Variants in SNTG1 observed in about 807,000 individuals in gnomAD.
The protein encoded by SNTG1 is gamma-1-syntrophin.
In SNTG1, 39 loss-of-function variants were observed where a neutral mutation model predicts 74.7. That is an observed-to-expected ratio of 0.52 (90% CI 0.40 to 0.68). SNTG1 has a LOEUF of 0.68. SNTG1 is among the 30% of genes least tolerant of loss of function. SNTG1 has a pLI of 0.00. For missense variants in SNTG1, 685 were observed against 609.5 expected (o/e 1.12, Z -1.30); for synonymous variants, 254 against 217.1 (o/e 1.17, Z -1.49).
In SNTG1 at chr8:50,521,990, G is replaced by T. The variant is rs542470967; in HGVS notation, c.467-8187G>T. Among the ~76,000 whole-genome samples the T allele has an allele frequency of 1.5e-4, 23 of 152,144 alleles. No homozygotes were observed. In the South Asian group the frequency reaches 4.8e-3, roughly 32 times the overall value. On this transcript the variant is annotated intron_variant, in intron 9 of 18. Coordinates refer to ENST00000642720, the MANE Select transcript of SNTG1 (RefSeq NM_018967.5). ...AATATTGATATTTTTACCTACTCCT[G>T]TCAATATTAATCATGAGTATTCTTA... is the stretch of plus-strand genomic sequence containing the variant.
In SNTG1 at chr8:50,141,002, T is replaced by A. The variant is rs559127417; in HGVS notation, c.-102-31559T>A. Among the ~76,000 whole-genome samples the A allele has an allele frequency of 2.0e-5, 3 of 152,248 alleles. No homozygotes were observed. In the East Asian group the frequency reaches 5.8e-4, roughly 29 times the overall value. On this transcript the variant is annotated intron_variant, in intron 1 of 18. Coordinates refer to ENST00000642720, the MANE Select transcript of SNTG1 (RefSeq NM_018967.5). ...GCTTTAACATCCCCTGGAAACTTGA[T>A]AGAAATTCAAATTATTTGGCCCACA...
At chr8:50,175,775 A>G (rs996116129) in intron 2 of SNTG1, among the ~76,000 whole-genome samples, 1 of 152,230 alleles carries the variant, frequency 6.6e-6, no homozygotes, top group South Asian at 2.1e-4. Context: ...TTCTTCTGAC[A>G]ATCCTGAAAA....
intron 4 of SNTG1, among the ~76,000 whole-genome samples, chr8:50,409,912 C>G (rs2092925792): frequency 6.6e-6 from 1 of 152,140 alleles, no homozygotes; most frequent in African/African-American, 2.4e-5. Flanking sequence ...CCAAACATGA[C>G]AGAACTGTCA....
intron 9 of SNTG1, among the ~76,000 whole-genome samples, chr8:50,518,450 T>G (rs779655829): frequency 4.0e-5 from 6 of 151,750 alleles, no homozygotes; most frequent in Admixed American, 2.6e-4. Flanking sequence ...AAGAAATAAC[T>G]AAGATGAGAG....
At chr8:49,947,279 G>A (rs1020458476) in intron 1 of SNTG1, among the ~76,000 whole-genome samples, 1 of 152,098 alleles carries the variant, frequency 6.6e-6, no homozygotes, top group Non-Finnish European at 1.5e-5. Flanking sequence ...CAGTCTGGAT[G>A]ATAAGAGCAA....
chr8:50,415,413 C>T (rs577273756), intron 4 of SNTG1, among the ~76,000 whole-genome samples: 16 of 152,008 alleles, frequency 1.1e-4, no homozygotes, highest in South Asian at 4.1e-4. Context: ...TAGGTAATAA[C>T]GTAAATATAA....
chr8:50,637,072 A>G (rs922442914), intron 13 of SNTG1, among the ~76,000 whole-genome samples: 11 of 152,224 alleles, frequency 7.2e-5, no homozygotes, highest in African/African-American at 2.7e-4. Context: ...AAGTGCATGC[A>G]TCATTTCAGC....
chr8:50,673,635 G>A, intron 15 of SNTG1, among the ~76,000 whole-genome samples: 1 of 152,140 alleles, frequency 6.6e-6, no homozygotes, highest in East Asian at 1.9e-4. Flanking sequence ...GAGACAATTT[G>A]ACTGCCTCTC....
At chr8:50,497,331 T>G (rs1241608588) in intron 8 of SNTG1, among the ~76,000 whole-genome samples, 3 of 152,048 alleles carry the variant, frequency 2.0e-5, no homozygotes, top group African/African-American at 7.2e-5. Flanking sequence ...ATTTATATAC[T>G]TATTCAAAAT....
At chr8:49,998,587 G>GACACACAC (rs56162374) in intron 1 of SNTG1, among the ~76,000 whole-genome samples, 3,674 of 136,870 alleles carry the variant, frequency 0.027, 75 homozygotes, top group African/African-American at 0.047. Flanking sequence ...TAAAAATTAA[G>GACACACAC]ACACACACAC....
intron 15 of SNTG1, among the ~76,000 whole-genome samples, chr8:50,668,465 T>C (rs902132858): frequency 1.3e-5 from 2 of 150,964 alleles, no homozygotes; most frequent in African/African-American, 4.9e-5. Context: ...AGATCTTGTC[T>C]AGAGATACCT....
chr8:50,588,184 T>C (rs1045852481), intron 12 of SNTG1, among the ~76,000 whole-genome samples: 2 of 152,168 alleles, frequency 1.3e-5, no homozygotes, highest in African/African-American at 4.8e-5. Context: ...ATTGTTTTAT[T>C]TTAAAATGTT....
intron 2 of SNTG1, among the ~76,000 whole-genome samples, chr8:50,262,243 G>T (rs2130118475): frequency 6.6e-6 from 1 of 152,194 alleles, no homozygotes; most frequent in Admixed American, 6.5e-5. Flanking sequence ...TGACCATATT[G>T]AAAAGAAGAA....
At chr8:50,676,134 T>A (rs564489645) in intron 15 of SNTG1, among the ~76,000 whole-genome samples, 1 of 152,084 alleles carries the variant, frequency 6.6e-6, no homozygotes, top group Admixed American at 6.6e-5. Context: ...TCATAGAGTA[T>A]CTTAGTGTTG....
chr8:50,744,469 A>G (rs969506852), intron 17 of SNTG1, among the ~76,000 whole-genome samples: 2 of 152,008 alleles, frequency 1.3e-5, no homozygotes, highest in African/African-American at 4.8e-5. Context: ...ATTGAAAGAC[A>G]TATTATTATT....
intron 4 of SNTG1, among the ~76,000 whole-genome samples, chr8:50,425,474 C>G (rs2093151610): frequency 6.6e-6 from 1 of 152,066 alleles, no homozygotes; most frequent in Non-Finnish European, 1.5e-5. Flanking sequence ...GATGGGACCA[C>G]CTAGTTGCAG....
intron 4 of SNTG1, among the ~76,000 whole-genome samples, chr8:50,426,502 G>A (rs2093165174): frequency 6.6e-6 from 1 of 151,472 alleles, no homozygotes; most frequent in African/African-American, 2.4e-5. Context: ...AGAATATAAA[G>A]AAAATATTTT....
intron 1 of SNTG1, among the ~76,000 whole-genome samples, chr8:49,963,291 G>T (rs1810857889): frequency 6.6e-6 from 1 of 152,156 alleles, no homozygotes; most frequent in African/African-American, 2.4e-5. Context: ...ACTCTGCCAG[G>T]ATTCAAATAA....
chr8:50,289,244 A>C (rs1057421697), intron 2 of SNTG1, among the ~76,000 whole-genome samples: 1 of 152,164 alleles, frequency 6.6e-6, no homozygotes, highest in Non-Finnish European at 1.5e-5. Flanking sequence ...GTTTATGTGG[A>C]TCCAGATGAA....
Sources: allele counts gnomAD v4.1 joint callset (sites outside exome capture counted in the v4.1 genomes callset), GRCh38; gene constraint gnomAD v4.1.1; transcripts MANE v1.5; gene names NCBI Gene and HGNC (gene_info 2026-07-23, HGNC 2026-07-21).